The following PHF14 variants were observed in gnomAD, a reference collection of about 807,000 sequenced individuals.
PHF14 encodes the protein PHD finger protein 14.
In PHF14, 55 loss-of-function variants were observed where a neutral mutation model predicts 117.9. That is an observed-to-expected ratio of 0.47 (90% confidence interval 0.38 to 0.58). The LOEUF is 0.58. Among genes scored for constraint, PHF14 ranks in the 20% least tolerant of loss-of-function variants. The pLI is 0.00. For synonymous variants in PHF14, 409 were observed against 368.6 expected (o/e 1.11, Z -1.26); for missense variants, 978 against 1,122.2 (o/e 0.87, Z 1.84).
chr7:11,004,276 A>G (rs907055821), intron 4 of PHF14, among the ~76,000 whole-genome samples: 2 of 148,644 alleles, frequency 1.3e-5, no homozygotes, highest in African/African-American at 4.9e-5. Context: ...AAAAGAAAAG[A>G]AAAAGAAAAC....
chr7:11,051,430 ATAG>A (rs1784847936), intron 13 of PHF14, among the ~76,000 whole-genome samples, 179 bp from the exon 14 acceptor site: 1 of 152,144 alleles, frequency 6.6e-6, no homozygotes, highest in African/African-American at 2.4e-5. Context: ...TATTATATTC[ATAG>A]TAGTCACTCT....
chr7:11,131,997 T>C (rs1788103266), intron 17 of PHF14, among the ~76,000 whole-genome samples: 1 of 151,878 alleles, frequency 6.6e-6, no homozygotes, highest in East Asian at 1.9e-4. Flanking sequence ...ATTTAAGGTA[T>C]ACAACATGGT....
chr7:11,107,462 A>T, intron 16 of PHF14: 1 of 820,068 alleles, frequency 1.2e-6, no homozygotes, highest in African/African-American at 1.9e-5. Flanking sequence ...AGTTGTATTT[A>T]GTAAGAATCT....
intron 14 of PHF14, among the ~76,000 whole-genome samples, chr7:11,058,405 A>G (rs1279016441): frequency 2.6e-4 from 40 of 152,314 alleles, no homozygotes; most frequent in Admixed American, 2.6e-3. Flanking sequence ...AAACTAGAAA[A>G]AAAAAATCCC....
At chr7:11,035,593 C>T in intron 7 of PHF14, 47 bp from the exon 8 acceptor site, 2 of 1,333,730 alleles carry the variant, frequency 1.5e-6, no homozygotes, top group South Asian at 1.6e-5. Flanking sequence ...TTTTATGACT[C>T]TTGGGAGTAC....
chr7:11,114,736 C>T (rs796845135), intron 17 of PHF14, among the ~76,000 whole-genome samples: 18 of 152,150 alleles, frequency 1.2e-4, no homozygotes, highest in African/African-American at 3.9e-4. Flanking sequence ...TATTTACATA[C>T]ATGGAGGCAC....
intron 7 of PHF14, among the ~76,000 whole-genome samples, chr7:11,033,051 CA>C (rs1194970340): frequency 6.6e-6 from 1 of 152,198 alleles, no homozygotes; most frequent in African/African-American, 2.4e-5. Context: ...ATAGTATATA[CA>C]AAAGCGCATG....
At chr7:11,144,804 T>C (rs1004145572) in intron 17 of PHF14, among the ~76,000 whole-genome samples, 6 of 151,664 alleles carry the variant, frequency 4.0e-5, no homozygotes, top group Admixed American at 6.6e-5. Context: ...CTACAACATA[T>C]ATGAACCTTA....
intron 16 of PHF14, among the ~76,000 whole-genome samples, chr7:11,068,703 T>C (rs6946657): frequency 6.6e-6 from 1 of 152,176 alleles, no homozygotes; most frequent in Admixed American, 6.5e-5. Context: ...TTTACCACAA[T>C]TGATTTTTAA....
intron 16 of PHF14, among the ~76,000 whole-genome samples, chr7:11,092,655 A>G (rs1360072333): frequency 6.6e-6 from 1 of 152,170 alleles, no homozygotes; most frequent in East Asian, 1.9e-4. Flanking sequence ...ATATGCCCAC[A>G]TATCACTCAT....
At chr7:11,120,232 A>G (rs1787712408) in intron 17 of PHF14, among the ~76,000 whole-genome samples, 1 of 151,976 alleles carries the variant, frequency 6.6e-6, no homozygotes, top group African/African-American at 2.4e-5. Context: ...ATTTATAGTT[A>G]CTTGTGAACT....
intron 17 of PHF14, among the ~76,000 whole-genome samples, chr7:11,167,182 A>G (rs7786061): frequency 0.028 from 4,287 of 152,248 alleles, 131 homozygotes; most frequent in East Asian, 0.11. Context: ...AGAAAACTAG[A>G]TAGCCAAGCA....
chr7:11,130,907 A>G lies in PHF14; in HGVS notation c.2772+19440A>G, dbSNP rs202058514. On this transcript the variant is annotated intron_variant, in intron 17 of 17. Transcript: ENST00000634607. The surrounding 1 kb of genome is among the most constrained non-coding windows in gnomAD (Gnocchi z 4.2). ...CATAGTTTTGCCTTTTCTGAATGTC[A>G]TATAGTATGTAGCCTGTTCAATTTG... Among the ~76,000 whole-genome samples, 1 of 151,786 alleles carries G rather than the reference A, an allele frequency of 6.6e-6. No homozygotes were observed. The highest frequency in any genetic ancestry group is 1.5e-5 in the Non-Finnish European group (1 of 67,904).
chr7:11,051,866 AC>A, intron 14 of PHF14, 86 bp downstream of exon 14: 1 of 1,094,646 alleles, frequency 9.1e-7, no homozygotes, highest in Non-Finnish European at 1.3e-6. Flanking sequence ...GCAAACATAT[AC>A]TCAGAAGTCA....
At chr7:11,013,968 C>T (rs1417924469) in intron 5 of PHF14, 62 bp downstream of exon 5, 13 of 1,099,660 alleles carry the variant, frequency 1.2e-5, no homozygotes, top group Admixed American at 2.1e-5. Context: ...CTTTGACTTC[C>T]CTGTTCTTCT....
intron 2 of PHF14, among the ~76,000 whole-genome samples, chr7:10,979,556 T>C (rs1415978102): frequency 3.3e-5 from 5 of 149,940 alleles, no homozygotes; most frequent in South Asian, 2.1e-4. Context: ...TCTCTCTCTT[T>C]TTTTTTTTTT....
At chr7:11,103,669 G>A (rs1787166604) in intron 16 of PHF14, 1 of 984,958 alleles carries the variant, frequency 1.0e-6, no homozygotes, top group Admixed American at 6.2e-5. Context: ...CGGGTATAGT[G>A]ACAATGGAAA....
chr7:11,043,344 T>C (rs943338215), intron 13 of PHF14, among the ~76,000 whole-genome samples: 1 of 152,024 alleles, frequency 6.6e-6, no homozygotes, highest in Non-Finnish European at 1.5e-5. Flanking sequence ...GGTTATAGTA[T>C]CTATAATGAG....
At chr7:11,126,621 C>T (rs1217485619) in intron 17 of PHF14, among the ~76,000 whole-genome samples, 1 of 151,954 alleles carries the variant, frequency 6.6e-6, no homozygotes, top group Non-Finnish European at 1.5e-5. Context: ...CTTTCTCCTT[C>T]ACATTTCCAA....
Sources: gnomAD v4.1 joint callset for allele counts (sites outside exome capture counted in the v4.1 genomes callset) on GRCh38, gnomAD v4.1.1 for gene constraint, Gnocchi (gnomAD v3.1) non-coding constraint, MANE v1.5 for transcripts, NCBI Gene and HGNC (gene_info 2026-07-23, HGNC 2026-07-21) for gene names.